The following OLAH variants were observed in gnomAD, a reference collection of about 807,000 sequenced individuals.
The protein encoded by OLAH is S-acyl fatty acid synthase thioesterase, medium chain.
In OLAH, 33 loss-of-function variants were observed where a neutral mutation model predicts 27.8. The ratio of observed to expected loss-of-function variants is 1.19; its 90% CI spans 0.90 to 1.59. The LOEUF (loss-of-function observed/expected upper bound fraction) is 1.59. Among genes scored for constraint, OLAH ranks in the 40% most tolerant of loss-of-function variants. The probability of loss-of-function intolerance (pLI) is 0.00; values close to 1 mark genes in which losing one functional copy is unlikely to be tolerated. For synonymous variants in OLAH, 120 were observed against 102.9 expected, an observed-to-expected ratio of 1.17 and a Z score of -1.01; for missense variants, 359 against 310.8, an observed-to-expected ratio of 1.16 and a Z score of -1.17.
At chr10:15,051,680 T>C (rs1052288201) in intron 3 of OLAH, among the ~76,000 whole-genome samples, 1 of 152,174 alleles carries the variant, frequency 6.6e-6, no homozygotes, top group Non-Finnish European at 1.5e-5. Flanking sequence ...TTTTACTCTA[T>C]CAGAGCATAT....
upstream of OLAH, among the ~76,000 whole-genome samples, chr10:15,041,772 C>T (rs997666462): frequency 1.3e-5 from 2 of 151,934 alleles, no homozygotes; most frequent in Admixed American, 6.6e-5. Flanking sequence ...GACGGGGTTT[C>T]ACCATGTTGG....
upstream of OLAH, among the ~76,000 whole-genome samples, chr10:15,040,963 C>T (rs1385868790): frequency 6.6e-6 from 1 of 152,196 alleles, no homozygotes; most frequent in Non-Finnish European, 1.5e-5. Flanking sequence ...CATCAGATTA[C>T]TCATCTGATC....
intron 3 of OLAH, among the ~76,000 whole-genome samples, chr10:15,053,190 G>A (rs1489763530): frequency 6.6e-6 from 1 of 152,086 alleles, no homozygotes; most frequent in Admixed American, 6.6e-5. Context: ...GGCAGGAGAG[G>A]CCCCTCCACC....
intron 1 of OLAH, among the ~76,000 whole-genome samples, chr10:15,034,131 T>TTG (rs1843804295): frequency 1.5e-5 from 2 of 134,294 alleles, no homozygotes; most frequent in Non-Finnish European, 3.2e-5. Flanking sequence ...TTTTTTTTTT[T>TTG]GAGACGGAGT....
chr10:15,052,648 A>G (rs745701513), intron 3 of OLAH, among the ~76,000 whole-genome samples: 1 of 125,344 alleles, frequency 8.0e-6, no homozygotes, highest in South Asian at 2.4e-4. Context: ...GTCTTGCTTC[A>G]GATTTTGTTA....
intron 3 of OLAH, among the ~76,000 whole-genome samples, chr10:15,054,474 C>A (rs1255165632): frequency 6.6e-6 from 1 of 152,160 alleles, no homozygotes; most frequent in Non-Finnish European, 1.5e-5. Context: ...GTCACAGAGC[C>A]ATTACGATTC....
rs1844367019 is a variant in OLAH at position 15,061,704 on chromosome 10, TTG to T, written c.164-16_164-15del. 1 of 1,582,878 alleles carries T rather than the reference TTG, an allele frequency of 6.3e-7. No homozygotes were observed. Among genetic ancestry groups the T allele is most frequent in the Non-Finnish European group, 8.6e-7 (1 of 1,166,420 alleles). ...TCATTCACTGTCTGTGCGTGTTCAC[TTG>T]TGTTTCTCCATCTCCAGTGCACTCC... is the stretch of plus-strand genomic sequence containing the variant. On this transcript the variant is annotated intron_variant, in intron 3 of 7. Coordinates refer to ENST00000378228, the MANE Select transcript of OLAH (RefSeq NM_001039702.3).
rs148164766 is a variant in OLAH, at chr10:15,071,801, C to T, written c.579C>T (p.Asn193=). Residue 193 remains asparagine (N), a synonymous_variant, in exon 7 of 8, where the codon AAC becomes AAT. Transcript: ENST00000378228. Reference sequence around the variant, plus strand: ...AGCTCTTTTATGTTTATAGCTCTAACGTACCATCTAAGGCTGTTCTTTCCT... The same window carrying T: ...AGCTCTTTTATGTTTATAGCTCTAATGTACCATCTAAGGCTGTTCTTTCCT... The part of the protein sequence containing the change: ...DLNIVRSCTS[N]VPSKAVLSCD... The T allele has an allele frequency of 2.7e-5, 44 of 1,611,096 alleles. No homozygotes were observed. The highest frequency in any genetic ancestry group is 2.5e-4 in the African/African-American group (19 of 74,864).
chr10:15,045,579 C>T (rs1564526688), intron 1 of OLAH, among the ~76,000 whole-genome samples: 1 of 152,192 alleles, frequency 6.6e-6, no homozygotes, highest in Non-Finnish European at 1.5e-5. Context: ...ATGGGCTCCC[C>T]ACCCTCTGTA....
intron 7 of OLAH, 150 bp downstream of exon 7, chr10:15,072,027 A>T: frequency 1.8e-6 from 1 of 564,138 alleles, no homozygotes; most frequent in Non-Finnish European, 3.2e-6. Context: ...TCCGCCTCCC[A>T]GGTTCAAACG....
chr10:15,064,781 C>T (rs1844435076), intron 5 of OLAH, among the ~76,000 whole-genome samples: 1 of 152,190 alleles, frequency 6.6e-6, no homozygotes, highest in Admixed American at 6.5e-5. Context: ...TCTCAGCCTC[C>T]TGAGTAGCTG....
intron 1 of OLAH, among the ~76,000 whole-genome samples, chr10:15,032,656 G>C (rs995905120): frequency 6.6e-6 from 1 of 151,324 alleles, no homozygotes; most frequent in Non-Finnish European, 1.5e-5. Flanking sequence ...CATCGCACAG[G>C]GAATTCTATA....
In OLAH at chr10:15,062,070, C is replaced by T. The variant is rs118152843; in HGVS notation, c.302+208C>T. The T allele has an allele frequency of 7.3e-4, 333 of 457,570 alleles. 1 individual carries two copies. The East Asian group carries it at 8.7e-3, about 12-fold the overall frequency. The allele number at this position is 457,570 out of a possible 1,614,324, so 28.3% of individuals were successfully genotyped here. On this transcript the variant is annotated intron_variant, in intron 4 of 7. Coordinates refer to ENST00000378228, the MANE Select transcript of OLAH (RefSeq NM_001039702.3). ...TTTCCTTTTAGGCAAATAAAGTCAA[C>T]ACTTGTAAAACCAAGACTTTAACAG...
chr10:15,073,054 G>A, intron 7 of OLAH, 33 bp from the exon 8 acceptor site: 1 of 1,601,124 alleles, frequency 6.2e-7, no homozygotes, highest in Non-Finnish European at 8.5e-7. Context: ...TGCTGTTGGT[G>A]TTGTTATTGA....
intron 3 of OLAH, among the ~76,000 whole-genome samples, chr10:15,060,673 G>C (rs1397123223): frequency 1.3e-5 from 2 of 151,974 alleles, no homozygotes; most frequent in Non-Finnish European, 2.9e-5. Context: ...ACATTAGTGA[G>C]CACATTTGTA....
At chr10:15,072,306 C>A (rs1032214684) in intron 7 of OLAH, among the ~76,000 whole-genome samples, 3 of 151,862 alleles carry the variant, frequency 2.0e-5, no homozygotes, top group Non-Finnish European at 4.4e-5. Context: ...TGATTTTTGA[C>A]CAATGTCAAC....
intron 3 of OLAH, among the ~76,000 whole-genome samples, chr10:15,058,256 T>C (rs1440040305): frequency 6.6e-6 from 1 of 152,162 alleles, no homozygotes; most frequent in Non-Finnish European, 1.5e-5. Context: ...TTGGTTAATT[T>C]TTTTTTTTAA....
chr10:15,062,017 A>T, intron 4 of OLAH, 155 bp downstream of exon 4: 3 of 680,258 alleles, frequency 4.4e-6, no homozygotes, highest in Non-Finnish European at 7.0e-6. Context: ...ACAATTCACC[A>T]GTTTGTATGG....
rs558312045 is a variant in OLAH, at chr10:15,073,477, C to A, written c.*248C>A. On this transcript the variant is annotated 3_prime_UTR_variant, in exon 8 of 8. Transcript: ENST00000378228. ...AGATCGAGACCGTCCTGGCTAACAC[C>A]GTGAAACCCCATCTCTACTAAAAAT... 6.6e-6 allele frequency: 2 copies of A among 302,014 alleles called. No homozygotes were observed. Among genetic ancestry groups the A allele is most frequent in the Non-Finnish European group, 1.2e-5 (2 of 162,800 alleles). The allele number at this position is 302,014 out of a possible 1,614,324, so 18.7% of individuals were successfully genotyped here. A position where few individuals can be genotyped will look rare whatever the true frequency, so the allele number is the denominator to read the frequency against.
Sources: allele counts gnomAD v4.1 joint callset (sites outside exome capture counted in the v4.1 genomes callset), GRCh38; gene constraint gnomAD v4.1.1; transcripts MANE v1.5; gene names NCBI Gene and HGNC (gene_info 2026-07-23, HGNC 2026-07-21).